The following GAB2 variants were observed in gnomAD, a reference collection of about 807,000 sequenced individuals.
GAB2 encodes the protein GRB2-associated-binding protein 2.
In GAB2, 26 loss-of-function variants were observed where a neutral mutation model predicts 65.5. The observed-to-expected ratio is 0.40, with a 90% CI of 0.29 to 0.55. The LOEUF (loss-of-function observed/expected upper bound fraction) is 0.55. Among genes scored for constraint, GAB2 ranks in the 20% least tolerant of loss-of-function variants. The pLI is 0.53. For synonymous variants in GAB2, 321 were observed against 329.6 expected (o/e 0.97, Z 0.28); for missense variants, 884 against 875.8 (o/e 1.01, Z -0.12).
chr11:78,321,871 T>TA (rs199889491), intron 1 of GAB2, among the ~76,000 whole-genome samples: 2,733 of 141,906 alleles, frequency 0.019, 87 homozygotes, highest in African/African-American at 0.064. Context: ...TTGACAAAGT[T>TA]AAAAAAAAAA....
chr11:78,350,800 A>G (rs1856265589), intron 1 of GAB2, among the ~76,000 whole-genome samples: 2 of 152,240 alleles, frequency 1.3e-5, no homozygotes, highest in African/African-American at 4.8e-5. Context: ...CCACAGGAAC[A>G]TGTGCTTTTG....
At position 78,395,083 on chromosome 11, in the gene GAB2, G is replaced by A. The variant is rs116690582; in HGVS notation, c.75+22563C>T. On this transcript the variant is annotated intron_variant, in intron 1 of 9. Coordinates refer to ENST00000361507, the MANE Select transcript of GAB2 (RefSeq NM_080491.3). ...ATGACTGGAGACCAGAAGGGCCAGG[G>A]AAGAAATATCAGAGAGAGACTGTAT... Among the ~76,000 whole-genome samples the A allele has an allele frequency of 9.9e-3, 1,502 of 152,310 alleles. 27 individuals carry two copies. Among genetic ancestry groups the A allele is most frequent in the African/African-American group, 0.035 (1,449 of 41,544 alleles).
intron 3 of GAB2, among the ~76,000 whole-genome samples, chr11:78,239,240 A>T (rs1249851093): frequency 6.6e-6 from 1 of 152,032 alleles, no homozygotes; most frequent in Non-Finnish European, 1.5e-5. Context: ...TATTTTTTTG[A>T]GATAGAGTCT....
At chr11:78,409,700 C>T (rs1046207840) in intron 1 of GAB2, among the ~76,000 whole-genome samples, 22 of 152,074 alleles carry the variant, frequency 1.4e-4, no homozygotes, top group African/African-American at 3.6e-4. Flanking sequence ...TCTCAACAAT[C>T]GACAGAAGAA....
intron 1 of GAB2, among the ~76,000 whole-genome samples, chr11:78,344,188 C>T (rs895343417): frequency 6.6e-6 from 1 of 152,266 alleles, no homozygotes; most frequent in South Asian, 2.1e-4. Context: ...AAAGATTTAA[C>T]TCAGGATTTC....
At chr11:78,383,149 G>A (rs966233906) in intron 1 of GAB2, among the ~76,000 whole-genome samples, 1 of 152,148 alleles carries the variant, frequency 6.6e-6, no homozygotes, top group Non-Finnish European at 1.5e-5. Flanking sequence ...GCACATGCCT[G>A]TAGTCCCAGC....
intron 1 of GAB2, among the ~76,000 whole-genome samples, chr11:78,394,063 C>A (rs1308365278): frequency 6.6e-6 from 1 of 152,154 alleles, no homozygotes; most frequent in Non-Finnish European, 1.5e-5. Context: ...CCGTGGCAGG[C>A]AGATCATGAG....
At chr11:78,416,135 G>A (rs1456717875) in intron 1 of GAB2, among the ~76,000 whole-genome samples, 4 of 151,886 alleles carry the variant, frequency 2.6e-5, no homozygotes, top group African/African-American at 9.7e-5. Context: ...ACCCTGAAGA[G>A]GAAAAAAGTT....
chr11:78,379,323 C>CA (rs1401561789), intron 1 of GAB2, among the ~76,000 whole-genome samples: 3 of 152,212 alleles, frequency 2.0e-5, no homozygotes, highest in African/African-American at 7.2e-5. Context: ...TAAAAGATCT[C>CA]AAGGCACTTT....
intron 1 of GAB2, among the ~76,000 whole-genome samples, chr11:78,353,939 A>T (rs938192416): frequency 1.3e-5 from 2 of 152,256 alleles, no homozygotes; most frequent in African/African-American, 4.8e-5. Context: ...AAGCTTGGTA[A>T]AACACAGACT....
At chr11:78,350,665 GA>G (rs1268258550) in intron 1 of GAB2, among the ~76,000 whole-genome samples, 11 of 152,266 alleles carry the variant, frequency 7.2e-5, no homozygotes, top group African/African-American at 2.6e-4. Context: ...TGAGAGTTAG[GA>G]ACTAAATGCT....
chr11:78,285,051 T>A (rs980810294), intron 1 of GAB2, among the ~76,000 whole-genome samples: 5 of 152,240 alleles, frequency 3.3e-5, no homozygotes, highest in African/African-American at 9.6e-5. Context: ...TTTATAGTAA[T>A]TTAAAATCTT....
chr11:78,339,661 T>C (rs2134689184), intron 1 of GAB2, among the ~76,000 whole-genome samples: 1 of 152,322 alleles, frequency 6.6e-6, no homozygotes, highest in East Asian at 1.9e-4. Flanking sequence ...TGGGGCTGCT[T>C]TTGACTGTCA....
In GAB2 at chr11:78,215,441, T is replaced by C. The variant is rs1864072708; in HGVS notation, c.*3831A>G. ...TCCTGTCCCACCCACCGGATAAATATGTTACAATTTAAAAAAAAGAATACA... is the reference window on the plus strand; with the variant it reads ...TCCTGTCCCACCCACCGGATAAATACGTTACAATTTAAAAAAAAGAATACA... On this transcript the variant is annotated 3_prime_UTR_variant, in exon 10 of 10. Transcript: ENST00000361507. 6.6e-6 allele frequency: 1 copy of C among 152,542 alleles called. No individual in the cohort carries two copies. Among genetic ancestry groups the C allele is most frequent in the Non-Finnish European group, 1.5e-5 (1 of 68,028 alleles). The allele number at this position is 152,542 out of a possible 1,614,324, so 9.4% of individuals were successfully genotyped here. A position where few individuals can be genotyped will look rare whatever the true frequency, so the allele number is the denominator to read the frequency against.
chr11:78,407,085 A>G (rs1857054755), intron 1 of GAB2, among the ~76,000 whole-genome samples: 1 of 152,186 alleles, frequency 6.6e-6, no homozygotes, highest in East Asian at 1.9e-4. Context: ...AAAAATGACC[A>G]GAGTCTACAG....
intron 3 of GAB2, among the ~76,000 whole-genome samples, chr11:78,236,431 A>T (rs540207784): frequency 6.6e-6 from 1 of 152,180 alleles, no homozygotes; most frequent in East Asian, 1.9e-4. Flanking sequence ...GATTACAGGC[A>T]TGAACCACCA....
chr11:78,258,499 A>G (rs1865652525), intron 2 of GAB2, among the ~76,000 whole-genome samples: 1 of 152,084 alleles, frequency 6.6e-6, no homozygotes, highest in South Asian at 2.1e-4. Flanking sequence ...TTCTGAAACT[A>G]TTTTATTTAA....
At chr11:78,402,893 G>T (rs551103489) in intron 1 of GAB2, among the ~76,000 whole-genome samples, 2 of 152,252 alleles carry the variant, frequency 1.3e-5, no homozygotes, top group Admixed American at 6.5e-5. Flanking sequence ...TAAAGTGACC[G>T]TATTAGGAGG....
intron 1 of GAB2, among the ~76,000 whole-genome samples, chr11:78,341,540 G>A (rs1203314853): frequency 6.6e-6 from 1 of 152,164 alleles, no homozygotes; most frequent in East Asian, 1.9e-4. Flanking sequence ...CAACCATAAT[G>A]ATCCTGCACT....
Sources: allele counts gnomAD v4.1 joint callset (sites outside exome capture counted in the v4.1 genomes callset), GRCh38; gene constraint gnomAD v4.1.1; transcripts MANE v1.5; gene names NCBI Gene and HGNC (gene_info 2026-07-23, HGNC 2026-07-21).